The following RBFOX1 variants were observed in gnomAD, a reference collection of about 807,000 sequenced individuals.
RBFOX1 encodes the protein RNA binding protein fox-1 homolog 1.
In RBFOX1, 8 loss-of-function variants were observed where a neutral mutation model predicts 57.7. The ratio of observed to expected loss-of-function variants is 0.14; its 90% CI spans 0.08 to 0.25. RBFOX1 has a LOEUF of 0.25. Ranked by LOEUF, RBFOX1 falls within the 10% of genes least tolerant of loss-of-function variation. RBFOX1 has a pLI of 1.00. For missense variants in RBFOX1, 611 were observed against 548.5 expected, an observed-to-expected ratio of 1.11 and a Z score of -1.14; for synonymous variants, 326 against 222.4, an observed-to-expected ratio of 1.47 and a Z score of -4.15.
At chr16:7,162,592 C>A (rs59357150) in intron 4 of RBFOX1, among the ~76,000 whole-genome samples, 1,456 of 137,486 alleles carry the variant, frequency 0.011, 24 homozygotes, top group African/African-American at 0.039. Flanking sequence ...AAAAACATTG[C>A]CAGGTACGCG....
intron 1 of RBFOX1, among the ~76,000 whole-genome samples, chr16:5,395,888 A>C (rs1397857593): frequency 6.6e-6 from 1 of 152,200 alleles, no homozygotes; most frequent in Non-Finnish European, 1.5e-5. Flanking sequence ...AAAGAAACTG[A>C]AGCCGTTGGT....
At chr16:5,666,944 A>T (rs1410930634) in intron 3 of RBFOX1, among the ~76,000 whole-genome samples, 1 of 152,174 alleles carries the variant, frequency 6.6e-6, no homozygotes, top group East Asian at 1.9e-4. Context: ...TCTATCTGCT[A>T]CCAGACACAT....
intron 3 of RBFOX1, among the ~76,000 whole-genome samples, chr16:5,749,386 G>A (rs747709084): frequency 1.3e-5 from 2 of 152,088 alleles, no homozygotes; most frequent in Non-Finnish European, 2.9e-5. Flanking sequence ...GGCATTCTCT[G>A]TATTTCCTGA....
At chr16:6,297,984 C>A (rs544358027) in intron 1 of RBFOX1, among the ~76,000 whole-genome samples, 2 of 152,200 alleles carry the variant, frequency 1.3e-5, no homozygotes, top group East Asian at 1.9e-4. Context: ...CCAGTTCTTT[C>A]GGGGTGCTGG....
At chr16:7,167,131 G>C (rs559349860) in intron 4 of RBFOX1, among the ~76,000 whole-genome samples, 1 of 151,308 alleles carries the variant, frequency 6.6e-6, no homozygotes, top group East Asian at 2.0e-4. Flanking sequence ...GACTACAGGT[G>C]CCTGTCATCA....
At chr16:5,654,696 C>T (rs2049367301) in intron 3 of RBFOX1, among the ~76,000 whole-genome samples, 1 of 152,120 alleles carries the variant, frequency 6.6e-6, no homozygotes, top group Non-Finnish European at 1.5e-5. Context: ...AGTCTGGGTC[C>T]TGTGGATCCT....
chr16:6,053,304 C>T (rs1397287121), intron 1 of RBFOX1, among the ~76,000 whole-genome samples: 3 of 152,044 alleles, frequency 2.0e-5, no homozygotes, highest in Admixed American at 6.6e-5. Context: ...GCAGGAATTG[C>T]GCAGAGAGCT....
At chr16:7,010,559 T>C (rs1386724350) in intron 3 of RBFOX1, among the ~76,000 whole-genome samples, 3 of 151,970 alleles carry the variant, frequency 2.0e-5, no homozygotes, top group Non-Finnish European at 4.4e-5. Context: ...TTTGTTTGTT[T>C]CTTTTTTTGA....
intron 4 of RBFOX1, among the ~76,000 whole-genome samples, chr16:7,394,475 G>T (rs1048974696): frequency 2.6e-5 from 4 of 151,986 alleles, no homozygotes; most frequent in African/African-American, 9.7e-5. Flanking sequence ...ACCTCGAAAG[G>T]GTTGACACAA....
chr16:7,109,416 C>A lies in RBFOX1; in HGVS notation c.27+57318C>A, dbSNP rs367792504. On this transcript the variant is annotated intron_variant, in intron 4 of 15. Transcript: ENST00000550418. Reference sequence around the variant, plus strand: ...TGAGTTACCAACTGCCTCTCAGAACCCTAAGGCAATTTGGAGCCCAGAAGG... The same window carrying A: ...TGAGTTACCAACTGCCTCTCAGAACACTAAGGCAATTTGGAGCCCAGAAGG... Among the ~76,000 whole-genome samples the A allele has an allele frequency of 3.0e-4, 45 of 152,172 alleles. No individual in the cohort carries two copies. In the South Asian group the frequency reaches 8.1e-3, roughly 27 times the overall value.
chr16:7,503,874 G>C (rs1421584270), intron 4 of RBFOX1, among the ~76,000 whole-genome samples: 2 of 152,140 alleles, frequency 1.3e-5, no homozygotes, highest in Non-Finnish European at 2.9e-5. Context: ...CTGTCACTCA[G>C]GAATGGATGG....
At chr16:7,124,508 TCCCCTCCCCTC>T (rs2067951236) in intron 4 of RBFOX1, among the ~76,000 whole-genome samples, 1 of 18,182 alleles carries the variant, frequency 5.5e-5, no homozygotes, top group Admixed American at 5.3e-4. Context: ...TCGCTCCCCC[TCCCCTCCCCTC>T]CCCTCCCCTC....
At chr16:7,543,136 T>A (rs565526765) in intron 5 of RBFOX1, among the ~76,000 whole-genome samples, 1 of 152,202 alleles carries the variant, frequency 6.6e-6, no homozygotes, top group Non-Finnish European at 1.5e-5. Flanking sequence ...CCGCCATGCA[T>A]TTAAATCACT....
chr16:5,712,711 C>A (rs118021877), intron 3 of RBFOX1, among the ~76,000 whole-genome samples: 1 of 152,178 alleles, frequency 6.6e-6, no homozygotes, highest in Non-Finnish European at 1.5e-5. Flanking sequence ...TTAACAGAGT[C>A]CAGATTTTAA....
At chr16:6,436,961 G>A (rs1466064922) in intron 2 of RBFOX1, among the ~76,000 whole-genome samples, 1 of 152,062 alleles carries the variant, frequency 6.6e-6, no homozygotes, top group Non-Finnish European at 1.5e-5. Context: ...TCCCTTGCAG[G>A]CCCAGAATCC....
At chr16:5,588,761 T>A (rs986949917) in intron 2 of RBFOX1, among the ~76,000 whole-genome samples, 1 of 151,936 alleles carries the variant, frequency 6.6e-6, no homozygotes, top group African/African-American at 2.4e-5. Context: ...CGGGGGGAAA[T>A]GGAGTCAAGC....
At chr16:6,654,291 T>C (rs2098629619) in intron 2 of RBFOX1, among the ~76,000 whole-genome samples, 1 of 152,164 alleles carries the variant, frequency 6.6e-6, no homozygotes, top group Admixed American at 6.5e-5. Context: ...TGTGAACAAT[T>C]GTATGGAGGG....
At chr16:5,698,883 G>A (rs1172677466) in intron 3 of RBFOX1, among the ~76,000 whole-genome samples, 2 of 151,966 alleles carry the variant, frequency 1.3e-5, no homozygotes, top group African/African-American at 4.8e-5. Flanking sequence ...ATTTTGTGTA[G>A]CATCTGTATT....
At position 5,551,663 on chromosome 16, in the gene RBFOX1, G is replaced by A. The variant is rs182292856; in HGVS notation, c.259-47239G>A. Among the ~76,000 whole-genome samples, 671 of 152,064 alleles carry A rather than the reference G, an allele frequency of 4.4e-3. 4 individuals are homozygous for A. The highest frequency in any genetic ancestry group is 0.015 in the African/African-American group (612 of 41,484). On this transcript the variant is annotated intron_variant, in intron 2 of 2. Transcript: ENST00000585867. Reference sequence around the variant, plus strand: ...CTCTTTTTTTTAACCTTACGTTCTGGGATACACGTGCAGGTTTGTTACAGA... The same window carrying A: ...CTCTTTTTTTTAACCTTACGTTCTGAGATACACGTGCAGGTTTGTTACAGA...
Sources: gnomAD v4.1 joint callset for allele counts (sites outside exome capture counted in the v4.1 genomes callset) on GRCh38, gnomAD v4.1.1 for gene constraint, MANE v1.5 for transcripts, NCBI Gene and HGNC (gene_info 2026-07-23, HGNC 2026-07-21) for gene names.